KCTD14: variants seen among roughly 807,000 people sequenced by gnomAD.
KCTD14 encodes the protein potassium channel tetramerization domain containing 14, also known as BTB/POZ domain-containing protein KCTD14.
Under a neutral mutation model 5.9 loss-of-function variants are expected in KCTD14, and 7 were observed. That is an observed-to-expected ratio of 1.19 (90% CI 0.68 to 2.23). The LOEUF (loss-of-function observed/expected upper bound fraction) is 2.23, where lower values mean the gene tolerates loss of function less well. KCTD14 is among the 30% of genes most tolerant of loss of function. The probability of loss-of-function intolerance (pLI) is 0.00; values close to 1 mark genes in which losing one functional copy is unlikely to be tolerated. For synonymous variants in KCTD14, 140 were observed against 133.1 expected (o/e 1.05, Z -0.36); for missense variants, 342 against 332.2 (o/e 1.03, Z -0.23).
At chr11:78,032,550 T>C (rs1343466634) in intron 2 of KCTD14, among the ~76,000 whole-genome samples, 1 of 152,192 alleles carries the variant, frequency 6.6e-6, no homozygotes, top group Non-Finnish European at 1.5e-5. Context: ...AAGCCTATTT[T>C]GCTAAACCAC....
At chr11:78,040,003 T>G (rs985231061) in intron 1 of KCTD14, among the ~76,000 whole-genome samples, 1 of 152,208 alleles carries the variant, frequency 6.6e-6, no homozygotes. Context: ...AGGCACTTTT[T>G]TGAGCTCTTA....
chr11:78,035,935 G>A (rs1447225063), intron 2 of KCTD14, among the ~76,000 whole-genome samples: 3 of 151,848 alleles, frequency 2.0e-5, no homozygotes, highest in African/African-American at 4.8e-5. Context: ...CAAGGGAGGC[G>A]GATCACTTGA....
Sources: allele counts gnomAD v4.1 joint callset (sites outside exome capture counted in the v4.1 genomes callset), GRCh38; gene constraint gnomAD v4.1.1; transcripts MANE v1.5; gene names NCBI Gene and HGNC (gene_info 2026-07-23, HGNC 2026-07-21).